The following SLC7A5 variants were observed in gnomAD, a reference collection of about 807,000 sequenced individuals.
SLC7A5 encodes large neutral amino acids transporter small subunit 1.
A neutral mutation model predicts 50.2 loss-of-function variants in SLC7A5; 23 were observed. That is an observed-to-expected ratio of 0.46 (90% CI 0.33 to 0.65). The LOEUF (loss-of-function observed/expected upper bound fraction) is 0.65, where lower values mean the gene tolerates loss of function less well. SLC7A5 is among the 30% of genes least tolerant of loss of function. The pLI is 0.02. For missense variants in SLC7A5, 578 were observed against 684.4 expected, an observed-to-expected ratio of 0.84 and a Z score of 1.73; for synonymous variants, 393 against 330.6, an observed-to-expected ratio of 1.19 and a Z score of -2.05.
At chr16:87,835,424 C>T (rs928300750) in intron 8 of SLC7A5, among the ~76,000 whole-genome samples, 3 of 152,264 alleles carry the variant, frequency 2.0e-5, no homozygotes, top group African/African-American at 7.2e-5. Flanking sequence ...CGGCTCCTCC[C>T]TGCCCTCTGC....
intron 2 of SLC7A5, among the ~76,000 whole-genome samples, chr16:87,851,361 G>A (rs544996140): frequency 1.2e-4 from 18 of 152,350 alleles, no homozygotes; most frequent in South Asian, 4.1e-4. Flanking sequence ...GAGATGGCTC[G>A]GGTGAGGTCT....
intron 6 of SLC7A5, 75 bp from the exon 7 acceptor site, chr16:87,838,016 G>A (rs1373290923): frequency 2.7e-5 from 31 of 1,136,844 alleles, no homozygotes; most frequent in Non-Finnish European, 1.3e-5. Flanking sequence ...ACGCAGGCTG[G>A]GGAGTGGCAG....
rs1179150611 is a variant in SLC7A5, at chr16:87,860,325, CA to C, written c.539-8477del. On this transcript the variant is annotated intron_variant, in intron 1 of 9. Coordinates refer to ENST00000261622, the MANE Select transcript of SLC7A5 (RefSeq NM_003486.7). The surrounding 1 kb of genome is among the most constrained non-coding windows in gnomAD (Gnocchi z 4.8). ...TCCAGCCCGAGTAACAAAAGCATCT[CA>C]AAAAAAAAAAAAAATACACACACAC... Among the ~76,000 whole-genome samples the C allele has an allele frequency of 0.022, 1,757 of 78,960 alleles. 93 individuals carry two copies. Among genetic ancestry groups the C allele is most frequent in the African/African-American group, 0.08 (1,526 of 19,154 alleles). The allele number at this position is 78,960 out of a possible 152,430, so 51.8% of individuals were successfully genotyped here.
chr16:87,869,152 C>T lies in SLC7A5; in HGVS notation c.271G>A (p.Ala91Thr). The change falls in exon 1 of 10, where the codon GCG becomes ACG. Residue 91 changes from alanine to threonine, a missense_variant. Ala to Thr is a moderately conservative substitution (Grantham distance 58). Around this residue, in one of 2 missense-constraint regions of SLC7A5, gnomAD observed 465 missense variants for 594.6 expected, o/e 0.78. Transcript: ENST00000261622. ...CCCACGATGGAGAAGACGCCGCACG[C>T]GGCCCACACCACCAGCGCCAGCCCC... ...SPGLALVVWAACGVFSIVGAL... is the reference protein window; with the variant it reads ...SPGLALVVWATCGVFSIVGAL... 2 of 1,611,924 alleles carry T rather than the reference C, an allele frequency of 1.2e-6. No homozygotes were observed. The highest frequency in any genetic ancestry group is 8.5e-7 in the Non-Finnish European group (1 of 1,179,708).
In SLC7A5 at chr16:87,832,099, T is replaced by G. The variant is rs2054942404; in HGVS notation, c.*871A>C. ...GTGGAGCCCAGGGTGGGCGCCCACA[T>G]GGGTGCCTGGCCGCGGTGTGTCTGC... is the stretch of plus-strand genomic sequence containing the variant. On this transcript the variant is annotated 3_prime_UTR_variant, in exon 10 of 10. Transcript: ENST00000261622. This position sits in a 1 kb window ranked among gnomAD's most constrained non-coding sequence, Gnocchi z 4.6. 1 of 152,288 alleles carries G rather than the reference T, an allele frequency of 6.6e-6. No individual in the cohort carries two copies. The highest frequency in any genetic ancestry group is 6.5e-5 in the Admixed American group (1 of 15,284). 9.4% of individuals were successfully genotyped at this position (152,288 alleles called of 1,614,324 possible).
At chr16:87,856,234 G>A (rs79998850) in intron 1 of SLC7A5, among the ~76,000 whole-genome samples, 11,282 of 152,274 alleles carry the variant, frequency 0.074, 547 homozygotes, top group South Asian at 0.16. Context: ...GCTGTGTTCC[G>A]CGCACGGTTT....
In SLC7A5 at chr16:87,868,510, T is replaced by C. The variant is rs558646678; in HGVS notation, c.538+375A>G. Among the ~76,000 whole-genome samples the C allele has an allele frequency of 2.0e-5, 3 of 152,348 alleles. No individual in the cohort carries two copies. In the South Asian group the frequency reaches 6.2e-4, roughly 32 times the overall value. On this transcript the variant is annotated intron_variant, in intron 1 of 9. Coordinates refer to ENST00000261622, the MANE Select transcript of SLC7A5 (RefSeq NM_003486.7). ...ACCAACCAGTCAGCAATCGGAGCTC[T>C]AACAGTAAACCGATTGCTCAGTTAC...
intron 1 of SLC7A5, among the ~76,000 whole-genome samples, chr16:87,858,764 C>T (rs1567500539): frequency 6.6e-6 from 1 of 152,190 alleles, no homozygotes; most frequent in Non-Finnish European, 1.5e-5. Flanking sequence ...TCCAACTCAA[C>T]AGCAAGCGGA....
Position 87,853,095 on chromosome 16 carries a change from G to A in SLC7A5, c.539-1246C>T, listed in dbSNP as rs143566803. Among the ~76,000 whole-genome samples, 318 of 151,934 alleles carry A rather than the reference G, an allele frequency of 2.1e-3. No individual in the cohort carries two copies. The highest frequency in any genetic ancestry group is 7.3e-3 in the African/African-American group (299 of 41,174). On this transcript the variant is annotated intron_variant, in intron 1 of 9. Coordinates refer to ENST00000261622, the MANE Select transcript of SLC7A5 (RefSeq NM_003486.7). This position sits in a 1 kb window ranked among gnomAD's most constrained non-coding sequence, Gnocchi z 4.4. Reference sequence around the variant, plus strand: ...GGAAGGTGAGAGCATCAGAAAGGCCGTGGGCTCCTCTTCTCTCTTTCCCCT... The same window carrying A: ...GGAAGGTGAGAGCATCAGAAAGGCCATGGGCTCCTCTTCTCTCTTTCCCCT...
At position 87,866,536 on chromosome 16, in the gene SLC7A5, G is replaced by C. The variant is rs372950925; in HGVS notation, c.538+2349C>G. ...GCTGGAGTGCAGTGGTGCGATCTCA[G>C]CTCACTGCAACCTCCACCTCCTGGG... On this transcript the variant is annotated intron_variant, in intron 1 of 9. Coordinates refer to ENST00000261622, the MANE Select transcript of SLC7A5 (RefSeq NM_003486.7). Among the ~76,000 whole-genome samples, 638 of 152,042 alleles carry C rather than the reference G, an allele frequency of 4.2e-3. 4 individuals carry two copies. The highest frequency in any genetic ancestry group is 0.014 in the African/African-American group (594 of 41,480).
chr16:87,844,609 C>T (rs2143754107), intron 2 of SLC7A5, among the ~76,000 whole-genome samples: 1 of 152,344 alleles, frequency 6.6e-6, no homozygotes, highest in African/African-American at 2.4e-5. Flanking sequence ...ACGATGTCTC[C>T]CCATGAACGC....
At position 87,831,095 on chromosome 16, in the gene SLC7A5, G is replaced by A. The variant is rs2054930133; in HGVS notation, c.*1875C>T. On this transcript the variant is annotated 3_prime_UTR_variant, in exon 10 of 10. Transcript: ENST00000261622. Reference sequence around the variant, plus strand: ...CCAGGCAGGTGGGGCACCAGCTGCTGTCCTTATTTGCAGCCAAGAGAACAG... The same window carrying A: ...CCAGGCAGGTGGGGCACCAGCTGCTATCCTTATTTGCAGCCAAGAGAACAG... The A allele has an allele frequency of 1.3e-5, 2 of 152,224 alleles. No individual in the cohort carries two copies. Among genetic ancestry groups the A allele is most frequent in the South Asian group, 2.1e-4 (1 of 4,832 alleles). The allele number at this position is 152,224 out of a possible 1,614,324, so 9.4% of individuals were successfully genotyped here.
chr16:87,840,075 T>C (rs1169977795), intron 4 of SLC7A5, among the ~76,000 whole-genome samples: 1 of 152,214 alleles, frequency 6.6e-6, no homozygotes, highest in Non-Finnish European at 1.5e-5. Context: ...ATGGGGATTC[T>C]TCGGGGTGAC....
chr16:87,833,265 C>T lies in SLC7A5; in HGVS notation c.1469-240G>A, dbSNP rs1479587437. On this transcript the variant is annotated intron_variant, in intron 9 of 9. Transcript: ENST00000261622. This position sits in a 1 kb window ranked among gnomAD's most constrained non-coding sequence, Gnocchi z 6.0. ...TCCCACTCGGCCCACCCCTCGCCTG[C>T]TTCAGAACCCTGGGGAGGCAGAGTG... 1.3e-5 allele frequency among the ~76,000 whole-genome samples: 2 copies of T among 152,380 alleles called. No individual in the cohort carries two copies. Among genetic ancestry groups the T allele is most frequent in the Admixed American group, 6.5e-5 (1 of 15,314 alleles).
chr16:87,855,721 G>A (rs2055308967), intron 1 of SLC7A5, among the ~76,000 whole-genome samples: 1 of 151,984 alleles, frequency 6.6e-6, no homozygotes, highest in Non-Finnish European at 1.5e-5. Flanking sequence ...AGTGTTGGAG[G>A]AGAGGGGTGG....
intron 1 of SLC7A5, among the ~76,000 whole-genome samples, chr16:87,858,013 G>C (rs939395525): frequency 6.6e-6 from 1 of 152,204 alleles, no homozygotes; most frequent in Non-Finnish European, 1.5e-5. Context: ...GAAAAGGGCA[G>C]CTTCTCATGT....
chr16:87,860,734 C>T lies in SLC7A5; in HGVS notation c.538+8151G>A, dbSNP rs1156397090. On this transcript the variant is annotated intron_variant, in intron 1 of 9. Coordinates refer to ENST00000261622, the MANE Select transcript of SLC7A5 (RefSeq NM_003486.7). The surrounding 1 kb of genome is among the most constrained non-coding windows in gnomAD (Gnocchi z 4.8). The stretch of plus-strand genomic sequence containing the variant: ...GACAGATGCTGGCCCACCCCGAGGT[C>T]AGGATGACTCAGCAGGGATCGAGTT... Among the ~76,000 whole-genome samples the T allele has an allele frequency of 6.6e-6, 1 of 152,220 alleles. No individual in the cohort carries two copies. The highest frequency in any genetic ancestry group is 1.9e-4 in the East Asian group (1 of 5,188).
chr16:87,865,037 C>G (rs921608938), intron 1 of SLC7A5, among the ~76,000 whole-genome samples: 4 of 152,174 alleles, frequency 2.6e-5, no homozygotes, highest in South Asian at 2.1e-4. Context: ...TCTCTAATAT[C>G]TTTCCCACCA....
Position 87,831,561 on chromosome 16 carries a change from G to A in SLC7A5, c.*1409C>T, listed in dbSNP as rs2054935981. The A allele has an allele frequency of 6.6e-6, 1 of 152,280 alleles. No homozygotes were observed. The highest frequency in any genetic ancestry group is 1.5e-5 in the Non-Finnish European group (1 of 68,122). The allele number at this position is 152,280 out of a possible 1,614,324, so 9.4% of individuals were successfully genotyped here. ...GGCCAGCTCCTCCAGCCACAGCTGA[G>A]CACTGGAGTGACGCTGGACCACTTG... On this transcript the variant is annotated 3_prime_UTR_variant, in exon 10 of 10. Coordinates refer to ENST00000261622, the MANE Select transcript of SLC7A5 (RefSeq NM_003486.7).
Sources: gnomAD v4.1 joint callset for allele counts (sites outside exome capture counted in the v4.1 genomes callset) on GRCh38, gnomAD v4.1.1 for gene constraint, gnomAD v4.1.1 regional missense constraint, Gnocchi (gnomAD v3.1) non-coding constraint, MANE v1.5 for transcripts, NCBI Gene and HGNC (gene_info 2026-07-23, HGNC 2026-07-21) for gene names.